The following HHLA1 variants were observed in gnomAD, a reference collection of about 807,000 sequenced individuals.
HHLA1 encodes the protein HHLA1 neighbor of OC90, also known as HERV-H LTR-associating protein 1.
Under a neutral mutation model 69.9 loss-of-function variants are expected in HHLA1, and 72 were observed. That is an observed-to-expected ratio of 1.03 (90% CI 0.85 to 1.25). The LOEUF (loss-of-function observed/expected upper bound fraction) is 1.25, where lower values mean the gene tolerates loss of function less well. Among genes scored for constraint, HHLA1 ranks in the 50% most tolerant of loss-of-function variants. HHLA1 has a pLI of 0.00. For missense variants in HHLA1, 685 were observed against 642.2 expected (o/e 1.07, Z -0.72); for synonymous variants, 252 against 233.2 (o/e 1.08, Z -0.73).
intron 10 of HHLA1, chr8:132,080,488 A>G (rs1471188046): frequency 7.7e-6 from 2 of 258,482 alleles, no homozygotes; most frequent in East Asian, 2.2e-4. Context: ...TGAGCCAGGA[A>G]GAGGACTTTC....
rs11986691 is a variant in HHLA1, at chr8:132,078,800, A to C, written c.926-829T>G. On this transcript the variant is annotated intron_variant, in intron 11 of 16. Coordinates refer to ENST00000414222, the MANE Select transcript of HHLA1 (RefSeq NM_001145095.3). ...GTCTGGAAGGAAATATGTTTTGATG[A>C]GTAAATAAATGAATGAATTCTGATG... Among the ~76,000 whole-genome samples the C allele has an allele frequency of 3.3e-3, 498 of 152,338 alleles. 2 individuals are homozygous for C. Among genetic ancestry groups the C allele is most frequent in the African/African-American group, 0.012 (479 of 41,584 alleles).
chr8:132,078,099 C>T (rs1360610062), intron 11 of HHLA1, 128 bp from the exon 12 acceptor site: 19 of 1,012,338 alleles, frequency 1.9e-5, no homozygotes, highest in Middle Eastern at 3.0e-4. Flanking sequence ...TATAAGTAAT[C>T]CAGGGGCTTA....
intron 5 of HHLA1, among the ~76,000 whole-genome samples, chr8:132,096,582 A>C (rs1181086348): frequency 6.6e-6 from 1 of 151,902 alleles, no homozygotes; most frequent in African/African-American, 2.4e-5. Flanking sequence ...CATCTTATCT[A>C]CTCTCCATCA....
chr8:132,087,731 G>C lies in HHLA1; in HGVS notation c.598C>G (p.Leu200Val). 6.4e-7 allele frequency: 1 copy of C among 1,551,122 alleles called. No individual in the cohort carries two copies. Among genetic ancestry groups the C allele is most frequent in the Non-Finnish European group, 8.7e-7 (1 of 1,146,496 alleles). Residue 200 changes from leucine to valine, a missense_variant, in exon 10 of 17, where the codon CTT becomes GTT. By Grantham distance (32) the Leu-to-Val change is conservative. Coordinates refer to ENST00000414222, the MANE Select transcript of HHLA1 (RefSeq NM_001145095.3). ...TCTTCTATCTCCCAGAAGTCAGAAA[G>C]ATTCCTTCCTGCAAAAATCACACCA... ...CVMTGKSGRNLSDFWEIEEKY... is the reference protein window; with the variant it reads ...CVMTGKSGRNVSDFWEIEEKY...
At chr8:132,104,242 C>T in intron 2 of HHLA1, 75 bp from the exon 3 acceptor site, 1 of 1,005,004 alleles carries the variant, frequency 1.0e-6, no homozygotes, top group Non-Finnish European at 1.5e-6. Flanking sequence ...TCAACATACC[C>T]ATTTTACAGA....
intron 15 of HHLA1, chr8:132,070,007 C>T (rs1290472137): frequency 5.8e-5 from 2 of 34,280 alleles, no homozygotes; most frequent in African/African-American, 2.0e-4. Context: ...AATGTTCGTA[C>T]TGACGGGGGG....
chr8:132,075,408 A>G (rs1008198850), intron 14 of HHLA1, among the ~76,000 whole-genome samples: 2 of 152,198 alleles, frequency 1.3e-5, no homozygotes, highest in Non-Finnish European at 2.9e-5. Flanking sequence ...TGAGATGTCC[A>G]AAAGCAAGCT....
At chr8:132,107,697 G>A (rs1824226995) in intron 1 of HHLA1, among the ~76,000 whole-genome samples, 1 of 152,138 alleles carries the variant, frequency 6.6e-6, no homozygotes, top group Non-Finnish European at 1.5e-5. Flanking sequence ...TTAATTCTTT[G>A]TCATTGGCCA....
At chr8:132,088,336 GTTTTT>G (rs1823895040) in intron 8 of HHLA1, among the ~76,000 whole-genome samples, 1 of 152,178 alleles carries the variant, frequency 6.6e-6, no homozygotes, top group Non-Finnish European at 1.5e-5. Flanking sequence ...AGCTATGATA[GTTTTT>G]ATCTATCCTA....
intron 15 of HHLA1, among the ~76,000 whole-genome samples, chr8:132,066,181 T>C (rs370459294): frequency 2.2e-4 from 33 of 152,182 alleles, no homozygotes; most frequent in East Asian, 1.7e-3. Flanking sequence ...GCAAGACTTA[T>C]TTTTATCCCT....
chr8:132,070,116 T>C (rs1823508358), intron 15 of HHLA1: 4 of 306,196 alleles, frequency 1.3e-5, no homozygotes, highest in Admixed American at 1.0e-4. Context: ...TAAAAGCTAA[T>C]GGATCTTGAG....
At chr8:132,097,183 C>T (rs1470622892) in intron 5 of HHLA1, among the ~76,000 whole-genome samples, 1 of 152,064 alleles carries the variant, frequency 6.6e-6, no homozygotes, top group Non-Finnish European at 1.5e-5. Context: ...GGGGTATACA[C>T]CAAAATGTGA....
Position 132,087,456 on chromosome 8 carries a change from T to C in HHLA1, c.676+197A>G, listed in dbSNP as rs1208883358. On this transcript the variant is annotated intron_variant, in intron 10 of 16. Transcript: ENST00000414222. ...AGCTCCAGTTGCTTATTGCCATGTG[T>C]TGGGGGGAAGATCTAGAATTGCCAG... Among the ~76,000 whole-genome samples, 3 of 152,224 alleles carry C rather than the reference T, an allele frequency of 2.0e-5. No individual in the cohort carries two copies. The East Asian group carries it at 5.8e-4, about 29-fold the overall frequency.
intron 14 of HHLA1, among the ~76,000 whole-genome samples, chr8:132,072,006 G>A (rs759584379): frequency 1.2e-4 from 18 of 152,104 alleles, no homozygotes; most frequent in East Asian, 3.8e-4. Flanking sequence ...GTGTATGCAC[G>A]TGCATGTGTA....
intron 1 of HHLA1, among the ~76,000 whole-genome samples, chr8:132,110,103 C>A (rs987162097): frequency 6.6e-6 from 1 of 152,178 alleles, no homozygotes; most frequent in Admixed American, 6.5e-5. Context: ...GCTTGATGAG[C>A]AAACCTGCCT....
intron 15 of HHLA1, among the ~76,000 whole-genome samples, chr8:132,069,242 A>G (rs1327143311): frequency 6.6e-6 from 1 of 152,144 alleles, no homozygotes; most frequent in Non-Finnish European, 1.5e-5. Context: ...TTCCTCCATA[A>G]AGCCCTATTA....
chr8:132,071,221 C>T (rs1823535218), intron 15 of HHLA1, 119 bp downstream of exon 15: 1 of 793,332 alleles, frequency 1.3e-6, no homozygotes, highest in Non-Finnish European at 2.0e-6. Flanking sequence ...TTGAGGTAAC[C>T]CCTACTGCCT....
chr8:132,091,890 C>T (rs1337648766), intron 7 of HHLA1, among the ~76,000 whole-genome samples: 2 of 152,118 alleles, frequency 1.3e-5, no homozygotes, highest in Admixed American at 6.5e-5. Context: ...ATTTTGCGGG[C>T]TTTATTCTGC....
chr8:132,086,421 G>A (rs147755987), intron 10 of HHLA1, among the ~76,000 whole-genome samples: 11 of 152,276 alleles, frequency 7.2e-5, no homozygotes, highest in South Asian at 2.1e-4. Context: ...AACACCCTGC[G>A]TGCAACACCA....
Sources: allele counts gnomAD v4.1 joint callset (sites outside exome capture counted in the v4.1 genomes callset), GRCh38; gene constraint gnomAD v4.1.1; transcripts MANE v1.5; gene names NCBI Gene and HGNC (gene_info 2026-07-23, HGNC 2026-07-21).